ATAD2B: variants seen among roughly 807,000 people sequenced by gnomAD.
ATAD2B encodes ATPase family AAA domain containing 2B, also known as ATPase family AAA domain-containing protein 2B.
Under a neutral mutation model 167.6 loss-of-function variants are expected in ATAD2B, and 40 were observed. The ratio of observed to expected loss-of-function variants is 0.24; its 90% CI spans 0.19 to 0.31. ATAD2B has a LOEUF of 0.31. Ranked by LOEUF, ATAD2B falls within the 10% of genes least tolerant of loss-of-function variation. The pLI is 1.00. For missense variants in ATAD2B, 1,242 were observed against 1,757.2 expected, an observed-to-expected ratio of 0.71 and a Z score of 5.24; for synonymous variants, 579 against 596.5, an observed-to-expected ratio of 0.97 and a Z score of 0.43.
intron 4 of ATAD2B, among the ~76,000 whole-genome samples, chr2:23,887,373 T>C (rs1240923699): frequency 3.3e-5 from 5 of 152,164 alleles, no homozygotes; most frequent in African/African-American, 4.8e-5. Flanking sequence ...TTAGCAATTT[T>C]TATTTTATAT....
intron 11 of ATAD2B, 104 bp from the exon 12 acceptor site, chr2:23,863,659 A>G: frequency 1.8e-6 from 2 of 1,086,252 alleles, no homozygotes; most frequent in South Asian, 3.6e-5. Context: ...GTATTGAAGT[A>G]TAATTATTAG....
chr2:23,683,173 G>A, the ATAD2B span, among the ~76,000 whole-genome samples: 1 of 152,236 alleles, frequency 6.6e-6, no homozygotes, highest in East Asian at 1.9e-4. Flanking sequence ...GCCGGCCCTG[G>A]CCCATGTGGA....
chr2:23,732,585 T>C, the ATAD2B span, among the ~76,000 whole-genome samples: 1 of 152,184 alleles, frequency 6.6e-6, no homozygotes, highest in Non-Finnish European at 1.5e-5. Context: ...TTATATTTTA[T>C]AATAAAAAGG....
chr2:23,854,992 C>T (rs1294842507), intron 13 of ATAD2B, among the ~76,000 whole-genome samples: 2 of 152,066 alleles, frequency 1.3e-5, no homozygotes, highest in Non-Finnish European at 2.9e-5. Context: ...GTCAAGAGTT[C>T]GAGACCAGTC....
At chr2:23,786,271 G>A (rs1680796316) in intron 20 of ATAD2B, 48 bp from the exon 21 acceptor site, 1 of 1,441,910 alleles carries the variant, frequency 6.9e-7, no homozygotes, top group African/African-American at 1.4e-5. Flanking sequence ...CGTGGGCCAG[G>A]ACCCTTTTTT....
chr2:23,720,585 A>AAAAAG, the ATAD2B span, among the ~76,000 whole-genome samples: 1 of 150,964 alleles, frequency 6.6e-6, no homozygotes, highest in Non-Finnish European at 1.5e-5. Context: ...TCTCAAAAAA[A>AAAAAG]AAAAAAAAAG....
intron 1 of ATAD2B, among the ~76,000 whole-genome samples, chr2:23,922,605 AAC>A (rs1290899354): frequency 2.0e-5 from 3 of 152,004 alleles, no homozygotes; most frequent in African/African-American, 7.2e-5. Flanking sequence ...GTACTCCTAC[AAC>A]TCCAAAGGAA....
At chr2:23,924,051 C>T (rs1390875747) in intron 1 of ATAD2B, among the ~76,000 whole-genome samples, 2 of 152,002 alleles carry the variant, frequency 1.3e-5, no homozygotes, top group Non-Finnish European at 2.9e-5. Context: ...GGCGTGGTGG[C>T]GGGCGCCTGT....
intron 19 of ATAD2B, among the ~76,000 whole-genome samples, chr2:23,791,571 T>A (rs1681737719): frequency 6.6e-6 from 1 of 152,122 alleles, no homozygotes; most frequent in Non-Finnish European, 1.5e-5. Flanking sequence ...GAATGACTGA[T>A]AATGAGCATC....
chr2:23,788,168 T>G (rs916983066), intron 20 of ATAD2B: 39 of 217,162 alleles, frequency 1.8e-4, no homozygotes, highest in Non-Finnish European at 3.3e-4. Context: ...CACCTGGTGT[T>G]CACAACCTGC....
chr2:23,822,049 G>A (rs748617889), intron 16 of ATAD2B, among the ~76,000 whole-genome samples: 2 of 152,130 alleles, frequency 1.3e-5, no homozygotes, highest in Non-Finnish European at 2.9e-5. Flanking sequence ...CTAAAATGAG[G>A]TTCTTATTTA....
At chr2:23,907,678 C>G (rs1297083416) in intron 1 of ATAD2B, among the ~76,000 whole-genome samples, 1 of 152,124 alleles carries the variant, frequency 6.6e-6, no homozygotes, top group African/African-American at 2.4e-5. Context: ...CCCCCATTGC[C>G]AAGTCAATCC....
intron 13 of ATAD2B, among the ~76,000 whole-genome samples, chr2:23,852,057 C>CACCTAAGTCAATG (rs1199707123): frequency 1.1e-4 from 16 of 152,146 alleles, no homozygotes; most frequent in African/African-American, 3.9e-4. Flanking sequence ...GTGAAATGAA[C>CACCTAAGTCAATG]AAATTCCTTT....
the ATAD2B span, among the ~76,000 whole-genome samples, chr2:23,686,567 A>G: frequency 2.0e-5 from 3 of 152,164 alleles, no homozygotes; most frequent in Admixed American, 1.3e-4. Flanking sequence ...CCAGGACCCA[A>G]GGAGGTGAGG....
intron 18 of ATAD2B, among the ~76,000 whole-genome samples, chr2:23,804,630 A>G (rs1236853310): frequency 6.6e-6 from 1 of 151,820 alleles, no homozygotes; most frequent in Non-Finnish European, 1.5e-5. Context: ...TAGAATTCAA[A>G]GTTGGCCAAG....
downstream of ATAD2B, among the ~76,000 whole-genome samples, chr2:23,744,128 C>T (rs980118146): frequency 2.0e-5 from 3 of 151,934 alleles, no homozygotes; most frequent in Non-Finnish European, 2.9e-5. Flanking sequence ...AAGTGTGAAA[C>T]GTGTGGTGAG....
intron 12 of ATAD2B, among the ~76,000 whole-genome samples, chr2:23,858,557 T>C (rs1211389534): frequency 1.3e-5 from 2 of 149,292 alleles, no homozygotes; most frequent in Non-Finnish European, 3.0e-5. Context: ...AGTGGCATGA[T>C]CACAGCTCAC....
chr2:23,858,730 A>C (rs894107342), intron 12 of ATAD2B, among the ~76,000 whole-genome samples: 1 of 151,292 alleles, frequency 6.6e-6, no homozygotes. Flanking sequence ...TGACCCTTCC[A>C]CCTCGGCCTG....
At chr2:23,711,891 T>A in the ATAD2B span, among the ~76,000 whole-genome samples, 1 of 152,208 alleles carries the variant, frequency 6.6e-6, no homozygotes, top group South Asian at 2.1e-4. Context: ...GTATACAACA[T>A]AATTACACAC....
Sources: gnomAD v4.1 joint callset for allele counts (sites outside exome capture counted in the v4.1 genomes callset) on GRCh38, gnomAD v4.1.1 for gene constraint, MANE v1.5 for transcripts, NCBI Gene and HGNC (gene_info 2026-07-23, HGNC 2026-07-21) for gene names.